WWC2: variants seen among roughly 807,000 people sequenced by gnomAD.
WWC2 encodes the protein protein WWC2.
Under a neutral mutation model 138.5 loss-of-function variants are expected in WWC2, and 101 were observed. That is an observed-to-expected ratio of 0.73 (90% CI 0.62 to 0.86). WWC2 has a LOEUF of 0.86. WWC2 is among the 40% of genes least tolerant of loss of function. The pLI, the probability that WWC2 is intolerant of heterozygous loss-of-function variation, is 0.00. For synonymous variants in WWC2, 558 were observed against 538.4 expected (o/e 1.04, Z -0.50); for missense variants, 1,420 against 1,419.4 (o/e 1.00, Z -0.01).
intron 1 of WWC2, among the ~76,000 whole-genome samples, chr4:183,190,691 A>AT (rs1014392374): frequency 9.2e-5 from 14 of 152,136 alleles, no homozygotes; most frequent in African/African-American, 3.1e-4. Flanking sequence ...AATCTTCTGA[A>AT]TTTTTCAGAG....
chr4:183,193,865 G>C (rs1735059442), intron 2 of WWC2, among the ~76,000 whole-genome samples, 157 bp downstream of exon 2: 1 of 152,154 alleles, frequency 6.6e-6, no homozygotes, highest in Non-Finnish European at 1.5e-5. Flanking sequence ...TGGTATTTGG[G>C]GCATGTACAT....
rs1258580027 is a variant in WWC2 at position 183,120,015 on chromosome 4, A to G, written c.131+20393A>G. ...AAAACCCACAACGGAAATGGAAATC[A>G]TTTAAACAGCTGGTTTCATCAAGAC... On this transcript the variant is annotated intron_variant, in intron 1 of 22. Transcript: ENST00000403733. Among the ~76,000 whole-genome samples the G allele has an allele frequency of 5.3e-4, 80 of 152,360 alleles. 1 individual carries two copies. The highest frequency in any genetic ancestry group is 7.3e-5 in the Non-Finnish European group (5 of 68,034).
At chr4:183,287,117 A>G in intron 20 of WWC2, among the ~76,000 whole-genome samples, 1 of 152,162 alleles carries the variant, frequency 6.6e-6, no homozygotes, top group Non-Finnish European at 1.5e-5. Flanking sequence ...TGTCATCACC[A>G]GGGCCACTCT....
At chr4:183,254,618 G>A (rs551874218) in intron 9 of WWC2, among the ~76,000 whole-genome samples, 4 of 152,338 alleles carry the variant, frequency 2.6e-5, no homozygotes, top group Admixed American at 1.3e-4. Flanking sequence ...GTTAAGTGAA[G>A]GGACCTCTGT....
chr4:183,148,453 T>C (rs1223212787), intron 1 of WWC2, among the ~76,000 whole-genome samples: 1 of 152,210 alleles, frequency 6.6e-6, no homozygotes, highest in Non-Finnish European at 1.5e-5. Flanking sequence ...AACATTGATA[T>C]CCATCTCTGA....
chr4:183,113,203 C>T (rs1464352276), intron 1 of WWC2, among the ~76,000 whole-genome samples: 1 of 151,816 alleles, frequency 6.6e-6, no homozygotes, highest in East Asian at 2.0e-4. Flanking sequence ...ACCTGGAAGG[C>T]GGAGGTTGCA....
At position 183,172,079 on chromosome 4, in the gene WWC2, A is replaced by G. The variant is rs889238420; in HGVS notation, c.132-21520A>G. Among the ~76,000 whole-genome samples, 19 of 152,252 alleles carry G rather than the reference A, an allele frequency of 1.2e-4. 2 individuals carry two copies. The highest frequency in any genetic ancestry group is 7.8e-4 in the Admixed American group (12 of 15,298). ...CTTTTTTCCATTGGCTTACTTCTCT[A>G]TATTCCTATTACCAATTTGTGGCCA... is the stretch of plus-strand genomic sequence containing the variant. On this transcript the variant is annotated intron_variant, in intron 1 of 22. Transcript: ENST00000403733.
chr4:183,238,194 T>C (rs1370653021), intron 4 of WWC2, among the ~76,000 whole-genome samples: 1 of 152,194 alleles, frequency 6.6e-6, no homozygotes, highest in Non-Finnish European at 1.5e-5. Context: ...GGTCCTGTTC[T>C]CCAGGAAAGC....
Position 183,317,763 on chromosome 4 carries a change from C to T in WWC2, c.*2034C>T, listed in dbSNP as rs1739489262. On this transcript the variant is annotated 3_prime_UTR_variant, in exon 23 of 23. Transcript: ENST00000403733. ...AATATTTACAGCTTTATAAGTCTTT[C>T]ATCAGATTAGCTGTTGACTTTTTGT... 1 of 152,128 alleles carries T rather than the reference C, an allele frequency of 6.6e-6. No individual in the cohort carries two copies. 9.4% of individuals were successfully genotyped at this position (152,128 alleles called of 1,614,324 possible). A position where few individuals can be genotyped will look rare whatever the true frequency, so the allele number is the denominator to read the frequency against.
At chr4:183,272,525 A>C (rs1731652294) in intron 16 of WWC2, among the ~76,000 whole-genome samples, 2 of 152,158 alleles carry the variant, frequency 1.3e-5, no homozygotes, top group South Asian at 4.1e-4. Flanking sequence ...TGTGCAACCA[A>C]CTTTACAGTC....
At chr4:183,312,019 GA>G (rs974930880) in intron 21 of WWC2, among the ~76,000 whole-genome samples, 2 of 152,124 alleles carry the variant, frequency 1.3e-5, no homozygotes, top group Non-Finnish European at 2.9e-5. Flanking sequence ...ATATTTTTTG[GA>G]AACAGTGCTA....
chr4:183,099,523 C>T lies in WWC2; in HGVS notation c.32C>T (p.Pro11Leu). 7.2e-7 allele frequency: 1 copy of T among 1,396,160 alleles called. No individual in the cohort carries two copies. The highest frequency in any genetic ancestry group is 9.5e-7 in the Non-Finnish European group (1 of 1,058,042). The allele number at this position is 1,396,160 out of a possible 1,614,324, so 86.5% of individuals were successfully genotyped here. MPRRAGSGQLPLPRGWEEARD... is the reference protein window; with the variant it reads MPRRAGSGQLLLPRGWEEARD... ...AGGAGGGCCGGGAGCGGTCAGCTGC[C>T]GCTGCCCCGGGGCTGGGAGGAGGCC... The change falls in exon 1 of 23, where the codon CCG becomes CTG. Residue 11 changes from proline (P) to leucine (L), a missense_variant. Coordinates refer to ENST00000403733, the MANE Select transcript of WWC2 (RefSeq NM_024949.6).
intron 21 of WWC2, among the ~76,000 whole-genome samples, chr4:183,294,223 A>G (rs1028975129): frequency 2.6e-5 from 4 of 152,122 alleles, no homozygotes; most frequent in Non-Finnish European, 5.9e-5. Flanking sequence ...TAATGTGGAG[A>G]TGGCCAATTC....
chr4:183,145,983 G>A (rs925054364), intron 1 of WWC2, among the ~76,000 whole-genome samples: 2 of 152,182 alleles, frequency 1.3e-5, no homozygotes, highest in African/African-American at 4.8e-5. Context: ...GTGTCTACTT[G>A]AAGGATTTAT....
intron 1 of WWC2, among the ~76,000 whole-genome samples, chr4:183,137,017 C>T (rs1733137448): frequency 6.6e-6 from 1 of 152,114 alleles, no homozygotes; most frequent in Non-Finnish European, 1.5e-5. Context: ...ATCAACATAT[C>T]TAAACATAGA....
At chr4:183,224,645 C>G (rs1043961113) in intron 4 of WWC2, among the ~76,000 whole-genome samples, 2 of 152,226 alleles carry the variant, frequency 1.3e-5, no homozygotes, top group Admixed American at 1.3e-4. Context: ...ACTGCAACCC[C>G]TACCTCCTGG....
At chr4:183,191,879 C>T (rs1241523853) in intron 1 of WWC2, among the ~76,000 whole-genome samples, 2 of 151,884 alleles carry the variant, frequency 1.3e-5, no homozygotes, top group Non-Finnish European at 2.9e-5. Context: ...AGGCATGAGC[C>T]ACAATGCCTG....
In WWC2 at chr4:183,320,413, G is replaced by T; in HGVS notation, c.*4684G>T. 1 of 621,452 alleles carries T rather than the reference G, an allele frequency of 1.6e-6. No individual in the cohort carries two copies. The highest frequency in any genetic ancestry group is 2.8e-6 in the Non-Finnish European group (1 of 353,942). The allele number at this position is 621,452 out of a possible 1,614,324, so 38.5% of individuals were successfully genotyped here. A position where few individuals can be genotyped will look rare whatever the true frequency, so the allele number is the denominator to read the frequency against. On this transcript the variant is annotated 3_prime_UTR_variant, in exon 23 of 23. Transcript: ENST00000403733. ...CACAAAAGGATAGGGAAATAATGCC[G>T]CCAACCAGTAATGCCAAGGTGTGGC...
chr4:183,198,597 A>G (rs1735214027), intron 2 of WWC2, among the ~76,000 whole-genome samples: 1 of 151,862 alleles, frequency 6.6e-6, no homozygotes, highest in South Asian at 2.1e-4. Flanking sequence ...TTGCACCATG[A>G]TATCAATTCT....
Sources: allele counts gnomAD v4.1 joint callset (sites outside exome capture counted in the v4.1 genomes callset), GRCh38; gene constraint gnomAD v4.1.1; transcripts MANE v1.5; gene names NCBI Gene and HGNC (gene_info 2026-07-23, HGNC 2026-07-21).